Variants in CCDC85C observed in about 807,000 individuals in gnomAD.
CCDC85C encodes coiled-coil domain containing 85C, also known as coiled-coil domain-containing protein 85C.
A neutral mutation model predicts 38.3 loss-of-function variants in CCDC85C; 18 were observed. The observed-to-expected ratio is 0.47, with a 90% CI of 0.33 to 0.70. The LOEUF (loss-of-function observed/expected upper bound fraction) is 0.70. Ranked by LOEUF, CCDC85C falls within the 30% of genes least tolerant of loss-of-function variation. CCDC85C has a pLI of 0.03. For missense variants in CCDC85C, 566 were observed against 621.2 expected (o/e 0.91, Z 0.94); for synonymous variants, 264 against 293.8 (o/e 0.90, Z 1.04).
intron 2 of CCDC85C, among the ~76,000 whole-genome samples, chr14:99,534,474 G>A (rs991619791): frequency 6.6e-6 from 1 of 152,142 alleles, no homozygotes; most frequent in Non-Finnish European, 1.5e-5. Flanking sequence ...CAGGGCAGAC[G>A]CGTGAGGTCA....
chr14:99,603,440 C>T lies in CCDC85C; in HGVS notation c.520G>A (p.Ala174Thr), dbSNP rs1378883041. The change falls in exon 1 of 6, where the codon GCC becomes ACC. Residue 174 changes from alanine (A) to threonine (T), a missense_variant. Around this residue, in one of 3 missense-constraint regions of CCDC85C, gnomAD observed 269 missense variants for 308.2 expected, o/e 0.87. Coordinates refer to ENST00000380243, the MANE Select transcript of CCDC85C (RefSeq NM_001144995.2). This position sits in a 1 kb window ranked among gnomAD's most constrained non-coding sequence, Gnocchi z 7.5. ...CTGTCGATGGAGCTGCGGGAGCCGGCGCCGCCCCCGCCGCCGCCGCCACCG... is the reference window on the plus strand; with the variant it reads ...CTGTCGATGGAGCTGCGGGAGCCGGTGCCGCCCCCGCCGCCGCCGCCACCG... ...ASGGGGGGGG[A>T]GSRSSIDSQA... The T allele has an allele frequency of 1.6e-6, 2 of 1,267,568 alleles. No individual in the cohort carries two copies. Among genetic ancestry groups the T allele is most frequent in the Non-Finnish European group, 2.0e-6 (2 of 1,010,120 alleles). 78.5% of individuals were successfully genotyped at this position (1,267,568 alleles called of 1,614,324 possible).
At chr14:99,582,603 G>C (rs991170064) in intron 1 of CCDC85C, among the ~76,000 whole-genome samples, 1 of 152,122 alleles carries the variant, frequency 6.6e-6, no homozygotes, top group African/African-American at 2.4e-5. Context: ...ATCACCTGAG[G>C]TCAGGAGTTC....
intron 1 of CCDC85C, among the ~76,000 whole-genome samples, chr14:99,549,536 C>A (rs1451752251): frequency 6.6e-6 from 1 of 152,186 alleles, no homozygotes; most frequent in Non-Finnish European, 1.5e-5. Context: ...TTGGACAAGC[C>A]CCTTCCCTTT....
At chr14:99,560,014 A>AAAG (rs1898087198) in intron 1 of CCDC85C, among the ~76,000 whole-genome samples, 1 of 151,356 alleles carries the variant, frequency 6.6e-6, no homozygotes, top group Admixed American at 6.6e-5. Context: ...AATTAAAAAA[A>AAAG]AAAATCAAAC....
At chr14:99,574,233 G>A (rs1898421514) in intron 1 of CCDC85C, among the ~76,000 whole-genome samples, 1 of 152,120 alleles carries the variant, frequency 6.6e-6, no homozygotes, top group African/African-American at 2.4e-5. Flanking sequence ...AGCAACACTA[G>A]CAAGACCTCA....
At position 99,603,181 on chromosome 14, in the gene CCDC85C, G is replaced by A; in HGVS notation, c.779C>T (p.Pro260Leu). ...GTAGTCCTTACCGTGCAGGCCGTTG[G>A]GGATGCTGCGGTGGTGCGGCGGCGC... The part of the protein sequence containing the change: ...LSAPPHHRSI[P>L]NGLHDPSSTY... The change falls in exon 1 of 6, where the codon CCC (proline) becomes CTC (leucine). Residue 260 changes from proline (P) to leucine (L), a missense_variant. By Grantham distance (98) the Pro-to-Leu change is moderately conservative. Transcript: ENST00000380243. The surrounding 1 kb of genome is among the most constrained non-coding windows in gnomAD (Gnocchi z 7.5). 1 of 1,405,940 alleles carries A rather than the reference G, an allele frequency of 7.1e-7. No individual in the cohort carries two copies. The allele number at this position is 1,405,940 out of a possible 1,614,324, so 87.1% of individuals were successfully genotyped here.
At position 99,515,713 on chromosome 14, in the gene CCDC85C, G is replaced by A. The variant is rs112309156; in HGVS notation, c.1171-378C>T. ...TGCAAGCACCCCCAAGGAGACCGCC[G>A]ATGGTGCTCAGCTGGGTCGAGCACG... On this transcript the variant is annotated intron_variant, in intron 5 of 5. Coordinates refer to ENST00000380243, the MANE Select transcript of CCDC85C (RefSeq NM_001144995.2). Among the ~76,000 whole-genome samples the A allele has an allele frequency of 1.8e-3, 281 of 152,222 alleles. 4 individuals are homozygous for A. The highest frequency in any genetic ancestry group is 0.016 in the Admixed American group (245 of 15,296).
chr14:99,517,324 G>C, intron 3 of CCDC85C, 141 bp from the exon 4 acceptor site: 6 of 665,124 alleles, frequency 9.0e-6, no homozygotes, highest in Middle Eastern at 4.2e-4. Context: ...GAGGAGGCAG[G>C]TGTGAGGATG....
rs1160968441 is a variant in CCDC85C, at chr14:99,572,624, A to G, written c.793+30543T>C. The G allele has an allele frequency of 2.9e-5, 13 of 453,618 alleles. No homozygotes were observed. Among genetic ancestry groups the G allele is most frequent in the South Asian group, 9.3e-5 (6 of 64,410 alleles). 28.1% of individuals were successfully genotyped at this position (453,618 alleles called of 1,614,324 possible). A position where few individuals can be genotyped will look rare whatever the true frequency, so the allele number is the denominator to read the frequency against. On this transcript the variant is annotated intron_variant, in intron 1 of 5. Coordinates refer to ENST00000380243, the MANE Select transcript of CCDC85C (RefSeq NM_001144995.2). The surrounding 1 kb of genome is among the most constrained non-coding windows in gnomAD (Gnocchi z 4.4). ...GTCCTTTGCTGGAAACCTTCCAGGGACGACAGCTGCTTATCATCCAAGCCC... is the reference window on the plus strand; with the variant it reads ...GTCCTTTGCTGGAAACCTTCCAGGGGCGACAGCTGCTTATCATCCAAGCCC...
Position 99,520,724 on chromosome 14 carries a change from GGCACCAGGAC to G in CCDC85C, c.975+1399_975+1408del, listed in dbSNP as rs1897292738. On this transcript the variant is annotated intron_variant, in intron 3 of 5. Transcript: ENST00000380243. This position sits in a 1 kb window ranked among gnomAD's most constrained non-coding sequence, Gnocchi z 4.1. ...GGCCCCTGACCTCTAGGCACACACA[GGCACCAGGAC>G]GCACTCACCATGGGGCCCTGGCCAT... Among the ~76,000 whole-genome samples, 1 of 152,094 alleles carries G rather than the reference GGCACCAGGAC, an allele frequency of 6.6e-6. No individual in the cohort carries two copies. The highest frequency in any genetic ancestry group is 2.4e-5 in the African/African-American group (1 of 41,432).
At chr14:99,528,336 A>G (rs1464890956) in intron 2 of CCDC85C, among the ~76,000 whole-genome samples, 1 of 152,204 alleles carries the variant, frequency 6.6e-6, no homozygotes, top group African/African-American at 2.4e-5. Flanking sequence ...CTGGACATCT[A>G]TTAGCCCAAA....
chr14:99,523,682 G>A (rs1028749418), intron 2 of CCDC85C, among the ~76,000 whole-genome samples: 2 of 152,176 alleles, frequency 1.3e-5, no homozygotes, highest in African/African-American at 4.8e-5. Flanking sequence ...AGGTCAGGGA[G>A]GGACATAAAG....
chr14:99,560,955 G>C (rs184713302), intron 1 of CCDC85C, among the ~76,000 whole-genome samples: 3 of 152,356 alleles, frequency 2.0e-5, no homozygotes, highest in Non-Finnish European at 4.4e-5. Context: ...AGCCTTGCCA[G>C]GGTAAAGCTG....
rs3918094 is a variant in CCDC85C at position 99,504,957 on chromosome 14, C to T, written c.*10289G>A. ...AGGATGGAGCAATAAGTTGGAAGTA[C>T]GCAAGTGAGCAAAGGAATTGAGAAT... On this transcript the variant is annotated 3_prime_UTR_variant, in exon 6 of 6. Transcript: ENST00000380243. 0.5 allele frequency: 75,995 copies of T among 152,096 alleles called. 19,588 individuals are homozygous for T. The highest frequency in any genetic ancestry group is 0.58 in the Non-Finnish European group (39,423 of 68,022). The allele number at this position is 152,096 out of a possible 1,614,324, so 9.4% of individuals were successfully genotyped here. A position where few individuals can be genotyped will look rare whatever the true frequency, so the allele number is the denominator to read the frequency against.
chr14:99,510,829 CGACTTGCA>C lies in CCDC85C; in HGVS notation c.*4409_*4416del. 7.3e-7 allele frequency: 1 copy of C among 1,375,774 alleles called. No individual in the cohort carries two copies. Among genetic ancestry groups the C allele is most frequent in the East Asian group, 2.7e-5 (1 of 36,794 alleles). The allele number at this position is 1,375,774 out of a possible 1,614,324, so 85.2% of individuals were successfully genotyped here. On this transcript the variant is annotated 3_prime_UTR_variant, in exon 6 of 6. Transcript: ENST00000380243. ...TGTTTTTTTAACAAGATTTTCTAATCGACTTGCAGAGTAGTTGAAGTGGGTAAGCAGCA... is the reference window on the plus strand; with the variant it reads ...TGTTTTTTTAACAAGATTTTCTAATCGAGTAGTTGAAGTGGGTAAGCAGCA...
At chr14:99,598,262 G>A (rs1236284375) in intron 1 of CCDC85C, among the ~76,000 whole-genome samples, 1 of 152,254 alleles carries the variant, frequency 6.6e-6, no homozygotes, top group Admixed American at 6.5e-5. Context: ...TCAGGAACTT[G>A]CTTAACAGAC....
chr14:99,574,070 T>C (rs7140670), intron 1 of CCDC85C, among the ~76,000 whole-genome samples: 12,186 of 152,202 alleles, frequency 0.08, 794 homozygotes, highest in African/African-American at 0.18. Context: ...GAGGGCTCAG[T>C]GCACATGCCA....
At chr14:99,573,124 C>T (rs1300229046) in intron 1 of CCDC85C, 1 of 294,732 alleles carries the variant, frequency 3.4e-6, no homozygotes, top group Admixed American at 4.0e-5. Context: ...AGGCGTGCAG[C>T]TGCCTGGGCA....
intron 1 of CCDC85C, among the ~76,000 whole-genome samples, chr14:99,587,788 G>T (rs776401113): frequency 1.3e-5 from 2 of 152,170 alleles, no homozygotes; most frequent in Non-Finnish European, 2.9e-5. Context: ...CACGGGGGCT[G>T]ACTCTACCTC....
Sources: allele counts gnomAD v4.1 joint callset (sites outside exome capture counted in the v4.1 genomes callset), GRCh38; gene constraint gnomAD v4.1.1; regional missense constraint gnomAD v4.1.1; non-coding constraint Gnocchi (gnomAD v3.1); transcripts MANE v1.5; gene names NCBI Gene and HGNC (gene_info 2026-07-23, HGNC 2026-07-21).